TSPAN15: variants seen among roughly 807,000 people sequenced by gnomAD.
The protein encoded by TSPAN15 is tetraspanin-15.
A neutral mutation model predicts 34.5 loss-of-function variants in TSPAN15; 20 were observed. The observed-to-expected ratio is 0.58, with a 90% CI of 0.41 to 0.84. The LOEUF is 0.84. Among genes scored for constraint, TSPAN15 ranks in the 40% least tolerant of loss-of-function variants. The pLI, the probability that TSPAN15 is intolerant of heterozygous loss-of-function variation, is 0.00. For missense variants in TSPAN15, 313 were observed against 386.1 expected, an observed-to-expected ratio of 0.81 and a Z score of 1.59; for synonymous variants, 155 against 153.9, an observed-to-expected ratio of 1.01 and a Z score of -0.05.
the TSPAN15 span, among the ~76,000 whole-genome samples, chr10:69,529,018 G>A: frequency 6.8e-6 from 1 of 148,042 alleles, no homozygotes; most frequent in African/African-American, 2.5e-5. Context: ...CTGGGAATCC[G>A]CCCCCTTCTG....
intron 3 of TSPAN15, among the ~76,000 whole-genome samples, chr10:69,490,743 C>T (rs547468362): frequency 5.3e-5 from 8 of 152,248 alleles, no homozygotes; most frequent in Non-Finnish European, 1.0e-4. Context: ...CAAAACAAAA[C>T]AAAAAACCCA....
chr10:69,540,154 G>T, the TSPAN15 span, among the ~76,000 whole-genome samples: 1 of 151,998 alleles, frequency 6.6e-6, no homozygotes, highest in Non-Finnish European at 1.5e-5. Flanking sequence ...GCCTCTCAAA[G>T]TGCCAAGGTG....
intron 5 of TSPAN15, among the ~76,000 whole-genome samples, chr10:69,499,924 A>G (rs762963123): frequency 6.6e-6 from 1 of 152,128 alleles, no homozygotes. Flanking sequence ...GGAGGATGGT[A>G]GGAGGTGGAG....
At chr10:69,534,265 G>A in the TSPAN15 span, among the ~76,000 whole-genome samples, 2 of 152,230 alleles carry the variant, frequency 1.3e-5, no homozygotes, top group African/African-American at 4.8e-5. Flanking sequence ...TTACCAACAT[G>A]TGGGAACTCA....
chr10:69,476,379 G>A (rs991283324), intron 1 of TSPAN15, among the ~76,000 whole-genome samples: 2 of 152,072 alleles, frequency 1.3e-5, no homozygotes, highest in African/African-American at 4.8e-5. Context: ...TTTGATCAAT[G>A]TGCTCTGACG....
At chr10:69,524,701 C>T in the TSPAN15 span, among the ~76,000 whole-genome samples, 1 of 142,806 alleles carries the variant, frequency 7.0e-6, no homozygotes, top group African/African-American at 2.5e-5. Context: ...TTTCAGAATT[C>T]GACAATTCAG....
intron 1 of TSPAN15, 131 bp downstream of exon 1, chr10:69,451,821 GTCTT>G: frequency 1.6e-6 from 1 of 631,712 alleles, no homozygotes; most frequent in South Asian, 5.4e-5. Flanking sequence ...CGGACTCCTT[GTCTT>G]TCTACCTCAC....
At chr10:69,542,218 C>T in the TSPAN15 span, among the ~76,000 whole-genome samples, 2 of 152,170 alleles carry the variant, frequency 1.3e-5, no homozygotes, top group Non-Finnish European at 2.9e-5. Flanking sequence ...GGCCTTTACT[C>T]CAGTTTCCAA....
At chr10:69,544,800 G>A in the TSPAN15 span, among the ~76,000 whole-genome samples, 5 of 152,234 alleles carry the variant, frequency 3.3e-5, no homozygotes, top group East Asian at 1.9e-4. Context: ...CCAGTCTCCC[G>A]CTCTCCCTCC....
intron 5 of TSPAN15, among the ~76,000 whole-genome samples, chr10:69,499,558 A>G (rs1842158914): frequency 6.6e-6 from 1 of 151,768 alleles, no homozygotes; most frequent in Admixed American, 6.6e-5. Context: ...CATTCATTCA[A>G]CAAATATTGG....
chr10:69,498,285 G>C lies in TSPAN15; in HGVS notation c.459G>C (p.Lys153Asn). ...TTCCTGCTTGCTTCCCTCAGTTCAAGTGCTGTGGCGGGGAGGACTACCGAG... is the reference window on the plus strand; with the variant it reads ...TTCCTGCTTGCTTCCCTCAGTTCAACTGCTGTGGCGGGGAGGACTACCGAG... ...NIMDFVQKKF[K>N]CCGGEDYRDW... Residue 153 changes from lysine (K) to asparagine (N), a missense_variant, in exon 5 of 8, where the codon AAG (lysine) becomes AAC (asparagine). Coordinates refer to ENST00000373290, the MANE Select transcript of TSPAN15 (RefSeq NM_012339.5). 6.2e-7 allele frequency: 1 copy of C among 1,613,974 alleles called. No individual in the cohort carries two copies. The highest frequency in any genetic ancestry group is 8.5e-7 in the Non-Finnish European group (1 of 1,179,962).
the TSPAN15 span, among the ~76,000 whole-genome samples, chr10:69,522,156 T>A: frequency 6.9e-6 from 1 of 145,496 alleles, no homozygotes; most frequent in Non-Finnish European, 1.5e-5. Flanking sequence ...AACCTAGGAG[T>A]TTGAAACCAG....
intron 3 of TSPAN15, among the ~76,000 whole-genome samples, chr10:69,487,250 A>G (rs1490895188): frequency 2.0e-5 from 3 of 152,126 alleles, no homozygotes. Flanking sequence ...CCACTCATAC[A>G]GGGGCAAGTG....
chr10:69,483,933 C>T, intron 2 of TSPAN15, 57 bp downstream of exon 2: 1 of 1,561,936 alleles, frequency 6.4e-7, no homozygotes. Flanking sequence ...GGGGCGCCTG[C>T]CCCTGTGCCC....
intron 1 of TSPAN15, among the ~76,000 whole-genome samples, chr10:69,481,645 G>T (rs771732148): frequency 2.6e-5 from 4 of 152,166 alleles, no homozygotes; most frequent in Non-Finnish European, 4.4e-5. Flanking sequence ...CTGGAGGGGC[G>T]GCCTCCTCGG....
chr10:69,468,298 G>T (rs73269811), intron 1 of TSPAN15, among the ~76,000 whole-genome samples: 2,479 of 152,292 alleles, frequency 0.016, 67 homozygotes, highest in African/African-American at 0.057. Flanking sequence ...TGCCTGGGGA[G>T]ACCCGGTGTG....
chr10:69,485,048 T>G, intron 2 of TSPAN15, 93 bp from the exon 3 acceptor site: 2 of 1,224,744 alleles, frequency 1.6e-6, no homozygotes, highest in Non-Finnish European at 2.4e-6. Context: ...ATGCTTCTCT[T>G]TGTGCTTGCT....
At chr10:69,486,451 A>AT (rs1005998707) in intron 3 of TSPAN15, among the ~76,000 whole-genome samples, 1 of 151,700 alleles carries the variant, frequency 6.6e-6, no homozygotes, top group Non-Finnish European at 1.5e-5. Context: ...ATGTTTGTTT[A>AT]TTTTTTTGAG....
At chr10:69,474,381 T>C (rs576941234) in intron 1 of TSPAN15, among the ~76,000 whole-genome samples, 13 of 152,228 alleles carry the variant, frequency 8.5e-5, no homozygotes, top group Admixed American at 8.5e-4. Flanking sequence ...AGGGGATGCA[T>C]GAACCAGTTC....
Sources: gnomAD v4.1 joint callset for allele counts (sites outside exome capture counted in the v4.1 genomes callset) on GRCh38, gnomAD v4.1.1 for gene constraint, MANE v1.5 for transcripts, NCBI Gene and HGNC (gene_info 2026-07-23, HGNC 2026-07-21) for gene names.